The following NPAS3 variants were observed in gnomAD, a reference collection of about 807,000 sequenced individuals.
NPAS3 encodes the protein neuronal PAS domain protein 3.
NPAS3 carries 14 observed loss-of-function variants against 73.1 expected under a neutral mutation model. The ratio of observed to expected loss-of-function variants is 0.19; its 90% CI spans 0.13 to 0.30. The LOEUF (loss-of-function observed/expected upper bound fraction) is 0.30. NPAS3 is among the 10% of genes least tolerant of loss of function. The pLI, the probability that NPAS3 is intolerant of heterozygous loss-of-function variation, is 1.00. For missense variants in NPAS3, 1,096 were observed against 1,250.0 expected, an observed-to-expected ratio of 0.88 and a Z score of 1.86; for synonymous variants, 620 against 541.5, an observed-to-expected ratio of 1.14 and a Z score of -2.01.
At chr14:33,656,058 C>CTG (rs1475146536) in intron 5 of NPAS3, among the ~76,000 whole-genome samples, 1 of 152,204 alleles carries the variant, frequency 6.6e-6, no homozygotes, top group Non-Finnish European at 1.5e-5. Context: ...TCTATTCCTA[C>CTG]TGCTGTGCTA....
chr14:33,771,797 C>T (rs1203463142), intron 7 of NPAS3, among the ~76,000 whole-genome samples: 2 of 151,074 alleles, frequency 1.3e-5, no homozygotes, highest in Non-Finnish European at 2.9e-5. Flanking sequence ...GGCGACAGAG[C>T]GAGACTCCAT....
intron 5 of NPAS3, among the ~76,000 whole-genome samples, chr14:33,637,193 A>C (rs1422924852): frequency 6.6e-6 from 1 of 152,242 alleles, no homozygotes; most frequent in Non-Finnish European, 1.5e-5. Context: ...GATATTGAGA[A>C]GTCAATCTTT....
intron 2 of NPAS3, among the ~76,000 whole-genome samples, chr14:33,086,717 AC>A (rs1252390145): frequency 6.6e-6 from 1 of 152,034 alleles, no homozygotes; most frequent in African/African-American, 2.4e-5. Context: ...TTTTCTTCCA[AC>A]CCTTTTAAAT....
intron 1 of NPAS3, among the ~76,000 whole-genome samples, chr14:33,039,541 TG>T (rs1466899065): frequency 6.6e-6 from 1 of 152,150 alleles, no homozygotes; most frequent in African/African-American, 2.4e-5. Context: ...CTATTCCTGG[TG>T]TGAAATCGAT....
chr14:33,331,165 C>T (rs903964119), intron 3 of NPAS3, among the ~76,000 whole-genome samples: 1 of 152,120 alleles, frequency 6.6e-6, no homozygotes, highest in Admixed American at 6.5e-5. Context: ...AGGGTAAGAT[C>T]TCATCAGTAC....
At chr14:32,991,873 C>T (rs1049583977) in intron 1 of NPAS3, among the ~76,000 whole-genome samples, 2 of 152,190 alleles carry the variant, frequency 1.3e-5, no homozygotes, top group African/African-American at 4.8e-5. Context: ...GTTGTCAGCA[C>T]TCAGAGGGCA....
chr14:33,748,923 C>T (rs150228152), intron 7 of NPAS3, among the ~76,000 whole-genome samples: 31 of 152,260 alleles, frequency 2.0e-4, no homozygotes, highest in African/African-American at 7.5e-4. Flanking sequence ...CATTCAGAGT[C>T]ACCAAGAACT....
intron 6 of NPAS3, among the ~76,000 whole-genome samples, chr14:33,733,080 C>T (rs143515120): frequency 6.6e-6 from 1 of 152,326 alleles, no homozygotes; most frequent in South Asian, 2.1e-4. Context: ...CTCTGGGAAG[C>T]TTCATTTTTC....
intron 3 of NPAS3, among the ~76,000 whole-genome samples, chr14:33,360,076 T>G (rs1248468091): frequency 2.0e-5 from 3 of 152,224 alleles, no homozygotes; most frequent in African/African-American, 7.2e-5. Context: ...TGGCCTCCGC[T>G]GACACACAGG....
chr14:33,110,945 G>A (rs2042872245), intron 2 of NPAS3, among the ~76,000 whole-genome samples: 1 of 152,168 alleles, frequency 6.6e-6, no homozygotes, highest in South Asian at 2.1e-4. Flanking sequence ...CCTGAAACAA[G>A]AGAGAGGTTG....
At chr14:33,165,562 C>G (rs1419017587) in intron 2 of NPAS3, among the ~76,000 whole-genome samples, 1 of 152,010 alleles carries the variant, frequency 6.6e-6, no homozygotes, top group African/African-American at 2.4e-5. Context: ...TTAGTAGAAT[C>G]ATTTCTAATC....
At chr14:33,220,488 C>A (rs1232783168) in intron 3 of NPAS3, among the ~76,000 whole-genome samples, 1 of 152,178 alleles carries the variant, frequency 6.6e-6, no homozygotes, top group East Asian at 1.9e-4. Flanking sequence ...GTTATGACTT[C>A]ATTTAAGGAG....
chr14:33,579,826 CT>C (rs1458933389), intron 5 of NPAS3, among the ~76,000 whole-genome samples: 1 of 151,926 alleles, frequency 6.6e-6, no homozygotes, highest in Non-Finnish European at 1.5e-5. Context: ...CTTATTGTAT[CT>C]ACACGAAGCC....
rs56204986 is a variant in NPAS3 at position 33,301,324 on chromosome 14, T to TATA, written c.386-65862_386-65861insATA. ...TTTATCATTATATATATATATATAT[T>TATA]TTTTTTTTTTAAATCTAGCTGTAAT... is the stretch of plus-strand genomic sequence containing the variant. On this transcript the variant is annotated intron_variant, in intron 3 of 11. Coordinates refer to ENST00000356141, the Ensembl canonical transcript of NPAS3. Among the ~76,000 whole-genome samples the TATA allele has an allele frequency of 4.1e-3, 309 of 75,382 alleles. 29 individuals are homozygous for TATA. Among genetic ancestry groups the TATA allele is most frequent in the East Asian group, 4.6e-3 (11 of 2,400 alleles). 49.5% of individuals were successfully genotyped at this position (75,382 alleles called of 152,430 possible).
intron 4 of NPAS3, among the ~76,000 whole-genome samples, chr14:33,369,494 GT>G (rs1393741019): frequency 6.9e-6 from 1 of 144,390 alleles, no homozygotes; most frequent in Non-Finnish European, 1.5e-5. Context: ...AATTTAGAAT[GT>G]TTACATTATG....
At chr14:33,469,298 T>TAAA (rs564336534) in intron 4 of NPAS3, among the ~76,000 whole-genome samples, 16,910 of 142,236 alleles carry the variant, frequency 0.12, 1,136 homozygotes, top group African/African-American at 0.17. Context: ...AAGTTTTCTT[T>TAAA]AAAAAAAAAA....
chr14:33,143,298 C>A lies in NPAS3; in HGVS notation c.141-71884C>A, dbSNP rs1033927671. ...CCTGAGGTCAGGCGTTCGAGACCAG[C>A]CCGACCAATGTGGTGAAACCCCGTT... On this transcript the variant is annotated intron_variant, in intron 2 of 11. Transcript: ENST00000356141. Among the ~76,000 whole-genome samples, 9 of 152,142 alleles carry A rather than the reference C, an allele frequency of 5.9e-5. 1 individual carries two copies.
intron 4 of NPAS3, among the ~76,000 whole-genome samples, chr14:33,413,016 G>A (rs1441420791): frequency 1.3e-5 from 2 of 151,990 alleles, no homozygotes; most frequent in East Asian, 3.9e-4. Context: ...AAAAATATAA[G>A]GGCTTGAAAG....
rs1220615661 is a variant in NPAS3, at chr14:33,232,016, CATA to C, written c.385+16597_385+16599del. On this transcript the variant is annotated intron_variant, in intron 3 of 11. Transcript: ENST00000356141. ...CTATAGAGAGAATTGGTATGTATTT[CATA>C]ATAATACCATGTAGTCTTATCAACC... Among the ~76,000 whole-genome samples the C allele has an allele frequency of 7.2e-5, 11 of 152,258 alleles. No individual in the cohort carries two copies. In the East Asian group the frequency reaches 2.1e-3, roughly 29 times the overall value.
Sources: gnomAD v4.1 joint callset for allele counts (sites outside exome capture counted in the v4.1 genomes callset) on GRCh38, gnomAD v4.1.1 for gene constraint, MANE v1.5 for transcripts, NCBI Gene and HGNC (gene_info 2026-07-23, HGNC 2026-07-21) for gene names.